Variants in RUNDC3B observed in about 807,000 individuals in gnomAD.
RUNDC3B encodes RUN domain-containing protein 3B.
RUNDC3B carries 33 observed loss-of-function variants against 58.4 expected under a neutral mutation model. The observed-to-expected ratio is 0.56, with a 90% CI of 0.43 to 0.75. The LOEUF (loss-of-function observed/expected upper bound fraction) is 0.75. Among genes scored for constraint, RUNDC3B ranks in the 30% least tolerant of loss-of-function variants. The pLI, the probability that RUNDC3B is intolerant of heterozygous loss-of-function variation, is 0.00. For synonymous variants in RUNDC3B, 193 were observed against 195.2 expected (o/e 0.99, Z 0.10); for missense variants, 501 against 535.7 (o/e 0.94, Z 0.64).
chr7:87,780,247 C>CAG (rs1166149915), intron 8 of RUNDC3B, among the ~76,000 whole-genome samples: 1 of 152,180 alleles, frequency 6.6e-6, no homozygotes, highest in African/African-American at 2.4e-5. Context: ...TTCCCATCAA[C>CAG]AGAGTGTAAG....
At chr7:87,635,132 A>G (rs913832056) in intron 1 of RUNDC3B, among the ~76,000 whole-genome samples, 2 of 152,198 alleles carry the variant, frequency 1.3e-5, no homozygotes, top group Non-Finnish European at 2.9e-5. Context: ...GAATGTTTGA[A>G]GCTTACCCAC....
At chr7:87,633,597 C>T (rs1821438897) in intron 1 of RUNDC3B, among the ~76,000 whole-genome samples, 1 of 152,104 alleles carries the variant, frequency 6.6e-6, no homozygotes, top group Non-Finnish European at 1.5e-5. Flanking sequence ...CTTTGTACTT[C>T]CCATTCTGAC....
At position 87,658,927 on chromosome 7, in the gene RUNDC3B, G is replaced by A. The variant is rs28746491; in HGVS notation, c.238+7990G>A. 3.0e-3 allele frequency among the ~76,000 whole-genome samples: 459 copies of A among 152,284 alleles called. 2 individuals carry two copies. The highest frequency in any genetic ancestry group is 0.011 in the African/African-American group (441 of 41,554). ...TTTAGGCTGGGAGGCCAAAGCAAGC[G>A]GATCACTTGAGCTCAGTAGTTCAAG... On this transcript the variant is annotated intron_variant, in intron 2 of 10. Coordinates refer to ENST00000394654, the MANE Select transcript of RUNDC3B (RefSeq NM_001134405.2).
chr7:87,639,548 A>G (rs868166672), intron 1 of RUNDC3B, among the ~76,000 whole-genome samples: 42 of 152,072 alleles, frequency 2.8e-4, no homozygotes, highest in Non-Finnish European at 4.4e-4. Flanking sequence ...TGTGATTTTT[A>G]CTATAAATAT....
At chr7:87,705,188 G>C (rs1358034031) in intron 3 of RUNDC3B, among the ~76,000 whole-genome samples, 2 of 152,214 alleles carry the variant, frequency 1.3e-5, no homozygotes, top group African/African-American at 4.8e-5. Context: ...ACTTTGGGAG[G>C]CTGAGGCAGG....
At position 87,805,044 on chromosome 7, in the gene RUNDC3B, A is replaced by C. The variant is rs537242798; in HGVS notation, c.957-2329A>C. Among the ~76,000 whole-genome samples, 9 of 152,298 alleles carry C rather than the reference A, an allele frequency of 5.9e-5. No homozygotes were observed. The East Asian group carries it at 1.7e-3, about 29-fold the overall frequency. On this transcript the variant is annotated intron_variant, in intron 8 of 10. Transcript: ENST00000394654. ...TAGAATTCATTATAAAGAGATCAGC[A>C]GCTCACAGAATGGATAGAAAGACTG...
At chr7:87,697,911 T>C (rs1828638568) in intron 2 of RUNDC3B, among the ~76,000 whole-genome samples, 1 of 152,110 alleles carries the variant, frequency 6.6e-6, no homozygotes, top group Admixed American at 6.5e-5. Flanking sequence ...GTCACCCTGC[T>C]TCCCCTCCAA....
chr7:87,692,053 C>T (rs528919920), intron 2 of RUNDC3B, among the ~76,000 whole-genome samples: 2 of 152,214 alleles, frequency 1.3e-5, no homozygotes, highest in African/African-American at 2.4e-5. Context: ...TTACATCCTA[C>T]AAATAAGTGA....
chr7:87,821,998 A>C (rs928871073), intron 10 of RUNDC3B, among the ~76,000 whole-genome samples: 5 of 152,178 alleles, frequency 3.3e-5, no homozygotes, highest in African/African-American at 1.2e-4. Context: ...CTTCATGTCT[A>C]AAACACCAAA....
At chr7:87,645,152 G>A (rs1198575025) in intron 1 of RUNDC3B, among the ~76,000 whole-genome samples, 4 of 149,698 alleles carry the variant, frequency 2.7e-5, no homozygotes, top group South Asian at 2.1e-4. Context: ...GCACGATCTC[G>A]GATCACTGCA....
chr7:87,630,425 G>A (rs1821098547), intron 1 of RUNDC3B, among the ~76,000 whole-genome samples: 1 of 152,156 alleles, frequency 6.6e-6, no homozygotes, highest in African/African-American at 2.4e-5. Context: ...TTTGCCGTTT[G>A]TGCTGTCTAG....
intron 3 of RUNDC3B, among the ~76,000 whole-genome samples, chr7:87,708,025 G>T (rs1829761877): frequency 6.6e-6 from 1 of 151,992 alleles, no homozygotes; most frequent in African/African-American, 2.4e-5. Flanking sequence ...TAGAGGAATA[G>T]GCTTAAATAG....
chr7:87,628,580 C>CGTGT lies in RUNDC3B; in HGVS notation c.-241_-240insTGTG, dbSNP rs1430415147. The CGTGT allele has an allele frequency of 3.4e-5, 10 of 292,754 alleles. No individual in the cohort carries two copies. The highest frequency in any genetic ancestry group is 9.5e-5 in the African/African-American group (3 of 31,542). The allele number at this position is 292,754 out of a possible 1,614,324, so 18.1% of individuals were successfully genotyped here. On this transcript the variant is annotated 5_prime_UTR_variant, in exon 1 of 11. Coordinates refer to ENST00000394654, the MANE Select transcript of RUNDC3B (RefSeq NM_001134405.2). ...GCGCCGAGGGCGGAGGTGGTGCGTG[C>CGTGT]GTGCGTGTGTGTGTGTGTGTGTGTG...
rs28746503 is a variant in RUNDC3B, at chr7:87,638,737, G to T, written c.122+9792G>T. Among the ~76,000 whole-genome samples, 575 of 149,316 alleles carry T rather than the reference G, an allele frequency of 3.9e-3. 3 individuals are homozygous for T. The highest frequency in any genetic ancestry group is 0.014 in the African/African-American group (554 of 40,490). On this transcript the variant is annotated intron_variant, in intron 1 of 10. Coordinates refer to ENST00000394654, the MANE Select transcript of RUNDC3B (RefSeq NM_001134405.2). ...AATCTCCATTTTCCCCATTTATTTT[G>T]CTAGGCATTTATTAATTTTACCAAC...
At chr7:87,687,961 G>C (rs1253112189) in intron 2 of RUNDC3B, among the ~76,000 whole-genome samples, 1 of 152,040 alleles carries the variant, frequency 6.6e-6, no homozygotes, top group Non-Finnish European at 1.5e-5. Context: ...AACTTTTGTT[G>C]GAAAATGAGA....
chr7:87,766,956 T>G (rs1160130917), intron 6 of RUNDC3B, among the ~76,000 whole-genome samples: 1 of 152,158 alleles, frequency 6.6e-6, no homozygotes, highest in Non-Finnish European at 1.5e-5. Context: ...TTTTTTCTTT[T>G]TTTCTGACTG....
At chr7:87,715,210 T>G (rs1226539856) in intron 4 of RUNDC3B, among the ~76,000 whole-genome samples, 1 of 138,374 alleles carries the variant, frequency 7.2e-6, no homozygotes, top group Non-Finnish European at 1.5e-5. Flanking sequence ...ATATTATAAA[T>G]ATATAATATT....
chr7:87,708,776 T>A (rs1829822684), intron 3 of RUNDC3B, among the ~76,000 whole-genome samples: 1 of 152,184 alleles, frequency 6.6e-6, no homozygotes, highest in Non-Finnish European at 1.5e-5. Context: ...TCTAATTGTG[T>A]CTGTTTTTCA....
At chr7:87,703,749 T>A (rs548370048) in intron 3 of RUNDC3B, among the ~76,000 whole-genome samples, 9 of 152,002 alleles carry the variant, frequency 5.9e-5, no homozygotes, top group Non-Finnish European at 1.0e-4. Context: ...TCCCAACTAT[T>A]GTCCTTTGAC....
Sources: gnomAD v4.1 joint callset for allele counts (sites outside exome capture counted in the v4.1 genomes callset) on GRCh38, gnomAD v4.1.1 for gene constraint, MANE v1.5 for transcripts, NCBI Gene and HGNC (gene_info 2026-07-23, HGNC 2026-07-21) for gene names.